Variants in CACNA1C observed in about 807,000 individuals in gnomAD.
CACNA1C encodes calcium voltage-gated channel subunit alpha1 C.
A neutral mutation model predicts 229.0 loss-of-function variants in CACNA1C; 30 were observed. The ratio of observed to expected loss-of-function variants is 0.13; its 90% CI spans 0.10 to 0.18. CACNA1C has a LOEUF of 0.18. Among genes scored for constraint, CACNA1C ranks in the 10% least tolerant of loss-of-function variants. CACNA1C has a pLI of 1.00. For synonymous variants in CACNA1C, 1,114 were observed against 1,132.5 expected, an observed-to-expected ratio of 0.98 and a Z score of 0.33; for missense variants, 1,658 against 2,845.0, an observed-to-expected ratio of 0.58 and a Z score of 9.49.
chr12:2,100,484 A>C (rs987513054), intron 1 of CACNA1C, among the ~76,000 whole-genome samples: 15 of 150,030 alleles, frequency 1.0e-4, no homozygotes, highest in South Asian at 6.4e-4. Flanking sequence ...AAAAAACAAA[A>C]AAAAAAAACA....
intron 3 of CACNA1C, among the ~76,000 whole-genome samples, chr12:2,219,767 C>T (rs963151153): frequency 2.0e-5 from 3 of 152,158 alleles, no homozygotes; most frequent in African/African-American, 7.2e-5. Flanking sequence ...ACACTGAGTG[C>T]ACCCTTATAT....
chr12:2,123,192 C>G (rs181070289), intron 3 of CACNA1C, among the ~76,000 whole-genome samples: 1 of 151,900 alleles, frequency 6.6e-6, no homozygotes, highest in African/African-American at 2.4e-5. Flanking sequence ...CTGGCTAACA[C>G]GGTAAAACCC....
Position 2,679,836 on chromosome 12 carries a change from C to A in CACNA1C, c.5444+40C>A. Reference sequence around the variant, plus strand: ...GGCCACCCCAGGCGGCACACAGGGCCCACGTGCTGCAACCCTCAGGAGACA... The same window carrying A: ...GGCCACCCCAGGCGGCACACAGGGCACACGTGCTGCAACCCTCAGGAGACA... On this transcript the variant is annotated intron_variant, in intron 42 of 46. Coordinates refer to ENST00000399655, the MANE Select transcript of CACNA1C (RefSeq NM_000719.7). The surrounding 1 kb of genome is among the most constrained non-coding windows in gnomAD (Gnocchi z 5.5). 2 of 1,379,586 alleles carry A rather than the reference C, an allele frequency of 1.4e-6. No individual in the cohort carries two copies. Among genetic ancestry groups the A allele is most frequent in the Non-Finnish European group, 2.0e-6 (2 of 1,005,006 alleles). 85.5% of individuals were successfully genotyped at this position (1,379,586 alleles called of 1,614,324 possible).
chr12:2,590,422 G>T (rs150143095), intron 18 of CACNA1C, among the ~76,000 whole-genome samples: 1 of 152,206 alleles, frequency 6.6e-6, no homozygotes, highest in Admixed American at 6.5e-5. Flanking sequence ...GCATTTGGGA[G>T]TAGGAGGCTA....
intron 9 of CACNA1C, among the ~76,000 whole-genome samples, chr12:2,533,398 C>T (rs2099845613): frequency 6.6e-6 from 1 of 152,214 alleles, no homozygotes; most frequent in Non-Finnish European, 1.5e-5. Flanking sequence ...AAGGAGTACA[C>T]ACCCCGTCCC....
intron 39 of CACNA1C, chr12:2,676,002 A>T (rs1158738617): frequency 6.6e-6 from 1 of 152,170 alleles, no homozygotes; most frequent in Non-Finnish European, 1.5e-5. Flanking sequence ...GTGCCATGTG[A>T]TGTTTACATA....
intron 13 of CACNA1C, among the ~76,000 whole-genome samples, chr12:2,573,023 T>C (rs1361710196): frequency 1.3e-5 from 2 of 149,936 alleles, no homozygotes; most frequent in African/African-American, 2.5e-5. Context: ...TCCTCCTCCT[T>C]CTTCTTCCTT....
At chr12:2,281,144 C>G (rs1402137565) in intron 3 of CACNA1C, among the ~76,000 whole-genome samples, 1 of 142,526 alleles carries the variant, frequency 7.0e-6, no homozygotes, top group South Asian at 2.3e-4. Flanking sequence ...TTAATCATCG[C>G]AGTTTGTCTT....
In CACNA1C at chr12:2,274,020, C is replaced by T. The variant is rs191717916; in HGVS notation, c.477+153590C>T. On this transcript the variant is annotated intron_variant, in intron 3 of 46. Coordinates refer to ENST00000399655, the MANE Select transcript of CACNA1C (RefSeq NM_000719.7). ...GTTCACCTGCGTCCTGTCCAGCACG[C>T]GGCAGGAGCTATCCTGGCCTCAGTG... is the stretch of plus-strand genomic sequence containing the variant. 2.0e-4 allele frequency among the ~76,000 whole-genome samples: 30 copies of T among 152,342 alleles called. 1 individual carries two copies. In the East Asian group the frequency reaches 3.3e-3, roughly 17 times the overall value.
intron 9 of CACNA1C, among the ~76,000 whole-genome samples, chr12:2,525,851 C>G (rs1487585036): frequency 6.6e-6 from 1 of 152,178 alleles, no homozygotes; most frequent in African/African-American, 2.4e-5. Flanking sequence ...AACTATGATA[C>G]CTGCTGTAAG....
intron 42 of CACNA1C, chr12:2,680,484 C>T: frequency 6.4e-7 from 1 of 1,569,014 alleles, no homozygotes; most frequent in Non-Finnish European, 8.6e-7. Context: ...AGAGGACACA[C>T]CCTGCATCGT....
intron 3 of CACNA1C, among the ~76,000 whole-genome samples, chr12:2,170,007 G>C (rs2096410293): frequency 6.6e-6 from 1 of 152,208 alleles, no homozygotes; most frequent in Admixed American, 6.5e-5. Context: ...TGGCTCCCCT[G>C]AAACAGGAGG....
In CACNA1C at chr12:2,693,268, G is replaced by A. The variant is rs972767499; in HGVS notation, c.*2069G>A. 3.3e-5 allele frequency: 5 copies of A among 152,286 alleles called. No homozygotes were observed. The highest frequency in any genetic ancestry group is 3.4e-3 in the Middle Eastern group (1 of 296). 9.4% of individuals were successfully genotyped at this position (152,286 alleles called of 1,614,324 possible). ...CCTTCACTGTGAGGTGCAGGGAGGCGTTCTGATGAGCCCTCAGTCACTGGG... is the reference window on the plus strand; with the variant it reads ...CCTTCACTGTGAGGTGCAGGGAGGCATTCTGATGAGCCCTCAGTCACTGGG... On this transcript the variant is annotated 3_prime_UTR_variant, in exon 47 of 47. Coordinates refer to ENST00000399655, the MANE Select transcript of CACNA1C (RefSeq NM_000719.7).
chr12:1,984,129 A>G (rs1404691891), intron 1 of CACNA1C, among the ~76,000 whole-genome samples: 1 of 152,100 alleles, frequency 6.6e-6, no homozygotes, highest in African/African-American at 2.4e-5. Flanking sequence ...GTTACATTTA[A>G]AATGGGTTTT....
At chr12:2,503,700 C>T (rs891164838) in intron 7 of CACNA1C, among the ~76,000 whole-genome samples, 3 of 152,190 alleles carry the variant, frequency 2.0e-5, no homozygotes, top group East Asian at 1.9e-4. Context: ...CCAGCTCCGG[C>T]GCACCACTCC....
At chr12:2,288,930 C>G (rs2093103652) in intron 3 of CACNA1C, 1 of 152,224 alleles carries the variant, frequency 6.6e-6, no homozygotes, top group Non-Finnish European at 1.5e-5. Flanking sequence ...AGTCTGTTCT[C>G]CAACTCAGCC....
At chr12:2,274,674 G>C (rs908981583) in intron 3 of CACNA1C, among the ~76,000 whole-genome samples, 1 of 152,226 alleles carries the variant, frequency 6.6e-6, no homozygotes, top group Non-Finnish European at 1.5e-5. Context: ...AACTCACGTA[G>C]TTTGCCCAAG....
intron 3 of CACNA1C, among the ~76,000 whole-genome samples, chr12:2,311,602 C>T (rs369303613): frequency 1.6e-4 from 25 of 152,330 alleles, no homozygotes; most frequent in African/African-American, 5.5e-4. Flanking sequence ...CTGGGCATCA[C>T]GGGGAACCAA....
At chr12:2,550,502 C>T (rs1281525248) in intron 10 of CACNA1C, 1 of 1,329,834 alleles carries the variant, frequency 7.5e-7, no homozygotes, top group Non-Finnish European at 9.9e-7. Flanking sequence ...TGGGAGATGA[C>T]TGGCATGTGG....
Sources: allele counts gnomAD v4.1 joint callset (sites outside exome capture counted in the v4.1 genomes callset), GRCh38; gene constraint gnomAD v4.1.1; non-coding constraint Gnocchi (gnomAD v3.1); transcripts MANE v1.5; gene names NCBI Gene and HGNC (gene_info 2026-07-23, HGNC 2026-07-21).